The following NPAS3 variants were observed in gnomAD, a reference collection of about 807,000 sequenced individuals.
The protein encoded by NPAS3 is neuronal PAS domain-containing protein 3.
Under a neutral mutation model 73.1 loss-of-function variants are expected in NPAS3, and 14 were observed. The ratio of observed to expected loss-of-function variants is 0.19; its 90% CI spans 0.13 to 0.30. The LOEUF is 0.30. Among genes scored for constraint, NPAS3 ranks in the 10% least tolerant of loss-of-function variants. NPAS3 has a pLI of 1.00. For missense variants in NPAS3, 1,096 were observed against 1,250.0 expected, an observed-to-expected ratio of 0.88 and a Z score of 1.86; for synonymous variants, 620 against 541.5, an observed-to-expected ratio of 1.14 and a Z score of -2.01.
intron 1 of NPAS3, among the ~76,000 whole-genome samples, chr14:32,981,531 CA>C (rs1242548952): frequency 6.6e-6 from 1 of 152,198 alleles, no homozygotes; most frequent in African/African-American, 2.4e-5. Flanking sequence ...GGAACTTTAT[CA>C]ATTATATTTC....
intron 2 of NPAS3, among the ~76,000 whole-genome samples, chr14:33,143,440 G>A (rs536982936): frequency 2.0e-5 from 3 of 151,988 alleles, no homozygotes; most frequent in East Asian, 1.9e-4. Context: ...GAGGTGAGCC[G>A]AGATTGCGCC....
intron 5 of NPAS3, among the ~76,000 whole-genome samples, chr14:33,674,166 A>G (rs1358815681): frequency 6.6e-6 from 1 of 152,180 alleles, no homozygotes. Context: ...ATGTGGAGAG[A>G]GTGGCCTATT....
chr14:33,645,081 C>CAAAAA lies in NPAS3; in HGVS notation c.559-31119_559-31115dup, dbSNP rs33988299. Among the ~76,000 whole-genome samples, 4 of 106,530 alleles carry CAAAAA rather than the reference C, an allele frequency of 3.8e-5. No homozygotes were observed. In the East Asian group the frequency reaches 7.8e-4, roughly 21 times the overall value. The allele number at this position is 106,530 out of a possible 152,430, so 69.9% of individuals were successfully genotyped here. ...GGGCAACAAGAGTGAAACTCCATCT[C>CAAAAA]AAAAAAAAAAAAAAAGAAAGAAAGA... is the stretch of plus-strand genomic sequence containing the variant. On this transcript the variant is annotated intron_variant, in intron 5 of 11. Transcript: ENST00000356141.
At chr14:33,521,513 TAAAAAAA>T (rs35106729) in intron 4 of NPAS3, among the ~76,000 whole-genome samples, 1 of 133,066 alleles carries the variant, frequency 7.5e-6, no homozygotes, top group Non-Finnish European at 1.6e-5. Context: ...TGATCTGCTT[TAAAAAAA>T]AAAAAAAAAA....
In NPAS3 at chr14:33,317,864, T is replaced by G. The variant is rs193072906; in HGVS notation, c.386-49322T>G. Among the ~76,000 whole-genome samples, 234 of 152,178 alleles carry G rather than the reference T, an allele frequency of 1.5e-3. 1 individual carries two copies. The highest frequency in any genetic ancestry group is 2.6e-3 in the Non-Finnish European group (179 of 67,970). On this transcript the variant is annotated intron_variant, in intron 3 of 11. Coordinates refer to ENST00000356141, the Ensembl canonical transcript of NPAS3. ...CTAACAGCTACCGTAATATGAACCT[T>G]AACAAATAAAAGGAAATATTTATGC... is the stretch of plus-strand genomic sequence containing the variant.
intron 3 of NPAS3, among the ~76,000 whole-genome samples, chr14:33,325,244 G>A (rs1323570150): frequency 7.9e-5 from 12 of 152,066 alleles, no homozygotes; most frequent in South Asian, 2.1e-4. Context: ...TGATATAGGC[G>A]TGCAGTGTGA....
chr14:33,133,006 CTTAAA>C (rs2043698783), intron 2 of NPAS3, among the ~76,000 whole-genome samples: 1 of 152,058 alleles, frequency 6.6e-6, no homozygotes, highest in African/African-American at 2.4e-5. Context: ...AGTTATTACT[CTTAAA>C]TTAATTGGTC....
intron 3 of NPAS3, among the ~76,000 whole-genome samples, chr14:33,346,319 C>T (rs999011823): frequency 6.6e-6 from 1 of 151,146 alleles, no homozygotes; most frequent in Non-Finnish European, 1.5e-5. Context: ...GTTTGAAGCT[C>T]AAGTTCCAGA....
chr14:33,432,561 G>C (rs993036051), intron 4 of NPAS3, among the ~76,000 whole-genome samples: 11 of 152,126 alleles, frequency 7.2e-5, no homozygotes, highest in Non-Finnish European at 1.5e-4. Context: ...ACTCCACTTT[G>C]AACAGTGGCC....
At chr14:33,175,723 A>G (rs8016331) in intron 2 of NPAS3, among the ~76,000 whole-genome samples, 43,044 of 152,040 alleles carry the variant, frequency 0.28, 6,382 homozygotes, top group East Asian at 0.52. Flanking sequence ...GAGATTTTAC[A>G]TACAACATCC....
At chr14:33,754,945 A>C (rs2062070111) in intron 7 of NPAS3, among the ~76,000 whole-genome samples, 1 of 152,220 alleles carries the variant, frequency 6.6e-6, no homozygotes, top group Non-Finnish European at 1.5e-5. Context: ...CAGCAGGACA[A>C]ATCTTTAGAT....
intron 3 of NPAS3, among the ~76,000 whole-genome samples, chr14:33,334,232 T>C (rs1270608623): frequency 2.6e-5 from 4 of 152,196 alleles, no homozygotes; most frequent in African/African-American, 4.8e-5. Context: ...TGTTGAAGTA[T>C]ATTTTATATA....
intron 3 of NPAS3, among the ~76,000 whole-genome samples, chr14:33,296,876 G>A (rs1387394024): frequency 7.2e-5 from 11 of 152,164 alleles, no homozygotes. Context: ...TGTTCAAGCT[G>A]ATGACTGTGG....
chr14:33,636,683 C>T (rs1397103306), intron 5 of NPAS3, among the ~76,000 whole-genome samples: 1 of 152,130 alleles, frequency 6.6e-6, no homozygotes, highest in African/African-American at 2.4e-5. Context: ...TGATGCAAGG[C>T]CCCCAAACGC....
At chr14:33,242,886 T>C (rs1441727901) in intron 3 of NPAS3, among the ~76,000 whole-genome samples, 3 of 152,128 alleles carry the variant, frequency 2.0e-5, no homozygotes, top group Admixed American at 1.3e-4. Context: ...TGGAAATGCA[T>C]AAAATATTTT....
chr14:33,795,994 TG>T (rs1220917033), intron 10 of NPAS3, among the ~76,000 whole-genome samples: 3 of 152,182 alleles, frequency 2.0e-5, no homozygotes, highest in Non-Finnish European at 2.9e-5. Context: ...GCAAGTGATC[TG>T]TGAGCCCCCA....
At chr14:33,405,996 A>C (rs990050051) in intron 4 of NPAS3, among the ~76,000 whole-genome samples, 1 of 152,166 alleles carries the variant, frequency 6.6e-6, no homozygotes, top group Non-Finnish European at 1.5e-5. Flanking sequence ...GAACAAGAAC[A>C]AGAGATCTCA....
intron 1 of NPAS3, among the ~76,000 whole-genome samples, chr14:33,048,178 A>T (rs1281051989): frequency 6.6e-6 from 1 of 152,330 alleles, no homozygotes; most frequent in African/African-American, 2.4e-5. Context: ...GTAAAATATT[A>T]ATAAAATGCA....
intron 5 of NPAS3, among the ~76,000 whole-genome samples, chr14:33,630,918 T>G (rs1270616022): frequency 6.6e-6 from 1 of 152,226 alleles, no homozygotes; most frequent in Non-Finnish European, 1.5e-5. Context: ...ATTCAATATT[T>G]GTAGAAAGAA....
Sources: gnomAD v4.1 joint callset for allele counts (sites outside exome capture counted in the v4.1 genomes callset) on GRCh38, gnomAD v4.1.1 for gene constraint, MANE v1.5 for transcripts, NCBI Gene and HGNC (gene_info 2026-07-23, HGNC 2026-07-21) for gene names.